CHST9: variants seen among roughly 807,000 people sequenced by gnomAD.
CHST9 encodes the protein GalNAc-4-sulfotransferase 2.
A neutral mutation model predicts 44.4 loss-of-function variants in CHST9; 41 were observed. The ratio of observed to expected loss-of-function variants is 0.92; its 90% CI spans 0.72 to 1.20. The LOEUF (loss-of-function observed/expected upper bound fraction) is 1.20. CHST9 is among the 50% of genes most tolerant of loss of function. CHST9 has a pLI of 0.00. For missense variants in CHST9, 504 were observed against 516.5 expected (o/e 0.98, Z 0.23); for synonymous variants, 171 against 178.4 (o/e 0.96, Z 0.33).
chr18:27,059,793 T>A (rs187150180), intron 2 of CHST9, among the ~76,000 whole-genome samples: 3 of 152,208 alleles, frequency 2.0e-5, no homozygotes, highest in African/African-American at 7.2e-5. Context: ...GTTTTTCCTT[T>A]TTTATCTTGA....
intron 4 of CHST9, among the ~76,000 whole-genome samples, chr18:26,972,300 T>C (rs1419406315): frequency 7.6e-6 from 1 of 131,320 alleles, no homozygotes; most frequent in East Asian, 2.2e-4. Flanking sequence ...GAGGTTGTAG[T>C]GAGCCGAGAT....
intron 5 of CHST9, among the ~76,000 whole-genome samples, chr18:26,931,958 T>C (rs1473614331): frequency 1.3e-5 from 2 of 152,162 alleles, no homozygotes; most frequent in African/African-American, 4.8e-5. Context: ...AACCCATGCT[T>C]TCCTCTCGGT....
rs936641028 is a variant in CHST9, at chr18:26,908,428, AT to A, written c.*7830del. On this transcript the variant is annotated 3_prime_UTR_variant, in exon 6 of 6. Transcript: ENST00000618847. ...GTGAAACTCTGTCTCAAAAAAAAAA[AT>A]AGGTAAGATGGGGAGGGATAGGAAA... The A allele has an allele frequency of 5.3e-5, 8 of 152,046 alleles. No homozygotes were observed. The highest frequency in any genetic ancestry group is 7.4e-5 in the Non-Finnish European group (5 of 68,006). 9.4% of individuals were successfully genotyped at this position (152,046 alleles called of 1,614,324 possible). A position where few individuals can be genotyped will look rare whatever the true frequency, so the allele number is the denominator to read the frequency against.
intron 2 of CHST9, among the ~76,000 whole-genome samples, chr18:27,110,865 C>G (rs559905984): frequency 1.6e-4 from 25 of 152,312 alleles, no homozygotes; most frequent in Admixed American, 8.5e-4. Context: ...CACCTGGGAA[C>G]TTGCTAGAAA....
chr18:26,952,550 C>T, intron 4 of CHST9: 1 of 436,704 alleles, frequency 2.3e-6, no homozygotes, highest in Non-Finnish European at 4.4e-6. Context: ...CTTTTACCAC[C>T]TTGTGAAAGT....
intron 4 of CHST9, among the ~76,000 whole-genome samples, chr18:26,944,864 G>A (rs1184141034): frequency 6.6e-6 from 1 of 152,134 alleles, no homozygotes; most frequent in African/African-American, 2.4e-5. Flanking sequence ...TGTTGTTATG[G>A]TACTGCCAGA....
chr18:27,142,136 T>C (rs1192079536), intron 2 of CHST9, among the ~76,000 whole-genome samples: 2 of 152,210 alleles, frequency 1.3e-5, no homozygotes, highest in African/African-American at 4.8e-5. Flanking sequence ...ATGTAATCTA[T>C]GGCTGCTTCT....
intron 1 of CHST9, among the ~76,000 whole-genome samples, chr18:27,165,962 A>T (rs2058786767): frequency 6.6e-6 from 1 of 152,134 alleles, no homozygotes; most frequent in Non-Finnish European, 1.5e-5. Flanking sequence ...ATATCTTCTG[A>T]ATTCCTGACC....
intron 5 of CHST9, among the ~76,000 whole-genome samples, chr18:26,922,711 C>A (rs1007484558): frequency 2.6e-5 from 4 of 152,130 alleles, no homozygotes; most frequent in African/African-American, 9.7e-5. Flanking sequence ...TCTTGGCTTA[C>A]TGCAGCCTCT....
At chr18:27,182,052 A>G (rs1220893450) in intron 1 of CHST9, among the ~76,000 whole-genome samples, 2 of 152,234 alleles carry the variant, frequency 1.3e-5, no homozygotes, top group Non-Finnish European at 1.5e-5. Flanking sequence ...TAAACCAAAC[A>G]TGCAATACAT....
intron 1 of CHST9, among the ~76,000 whole-genome samples, chr18:27,149,835 T>C (rs779486771): frequency 2.0e-5 from 3 of 152,108 alleles, no homozygotes; most frequent in Admixed American, 6.5e-5. Context: ...TAATGCCGTA[T>C]TTTTCATTTC....
intron 4 of CHST9, among the ~76,000 whole-genome samples, chr18:26,962,959 T>C (rs1162750840): frequency 6.6e-6 from 1 of 152,186 alleles, no homozygotes. Flanking sequence ...TTTGTAAAAG[T>C]TTTTTTGTGT....
At chr18:27,155,291 C>T (rs1229443463) in intron 1 of CHST9, among the ~76,000 whole-genome samples, 15 of 152,086 alleles carry the variant, frequency 9.9e-5, no homozygotes. Flanking sequence ...ACAGGGACAG[C>T]TACATTGTAG....
At chr18:27,158,934 T>C (rs973039760) in intron 1 of CHST9, among the ~76,000 whole-genome samples, 6 of 152,274 alleles carry the variant, frequency 3.9e-5, no homozygotes, top group Admixed American at 1.3e-4. Flanking sequence ...TTCATATCCT[T>C]CGCCCACTTT....
intron 1 of CHST9, among the ~76,000 whole-genome samples, chr18:27,166,800 A>T (rs1026947953): frequency 6.6e-6 from 1 of 152,208 alleles, no homozygotes; most frequent in African/African-American, 2.4e-5. Flanking sequence ...CCTAAGACAG[A>T]TCAACAGGAG....
At chr18:26,976,512 C>T (rs574059270) in intron 4 of CHST9, among the ~76,000 whole-genome samples, 10 of 152,040 alleles carry the variant, frequency 6.6e-5, no homozygotes, top group Non-Finnish European at 1.5e-4. Flanking sequence ...CATTAGGAAG[C>T]GATTTTGCTT....
chr18:27,113,607 A>T (rs2143788972), intron 2 of CHST9, among the ~76,000 whole-genome samples: 1 of 152,270 alleles, frequency 6.6e-6, no homozygotes, highest in Middle Eastern at 3.4e-3. Flanking sequence ...CAGAGAGCTC[A>T]CTTGCTCCTT....
chr18:27,007,656 G>A (rs2057032807), intron 4 of CHST9, among the ~76,000 whole-genome samples: 1 of 151,740 alleles, frequency 6.6e-6, no homozygotes, highest in African/African-American at 2.4e-5. Context: ...AAAGGGAAGG[G>A]GGAATCCTAT....
intron 4 of CHST9, among the ~76,000 whole-genome samples, chr18:27,013,775 G>A (rs2057114053): frequency 6.6e-6 from 1 of 152,074 alleles, no homozygotes; most frequent in African/African-American, 2.4e-5. Flanking sequence ...TAATTACCTA[G>A]AATTTCCTAG....
Sources: allele counts gnomAD v4.1 joint callset (sites outside exome capture counted in the v4.1 genomes callset), GRCh38; gene constraint gnomAD v4.1.1; transcripts MANE v1.5; gene names NCBI Gene and HGNC (gene_info 2026-07-23, HGNC 2026-07-21).